The following KDM7A variants were observed in gnomAD, a reference collection of about 807,000 sequenced individuals.
KDM7A encodes lysine-specific demethylase 7A.
KDM7A carries 28 observed loss-of-function variants against 114.8 expected under a neutral mutation model. That is an observed-to-expected ratio of 0.24 (90% CI 0.18 to 0.33). KDM7A has a LOEUF of 0.33. KDM7A is among the 10% of genes least tolerant of loss of function. The pLI is 1.00. For missense variants in KDM7A, 942 were observed against 1,142.5 expected (o/e 0.82, Z 2.53); for synonymous variants, 423 against 397.8 (o/e 1.06, Z -0.75).
At chr7:140,166,452 G>A (rs1357564909) in intron 1 of KDM7A, among the ~76,000 whole-genome samples, 10 of 144,518 alleles carry the variant, frequency 6.9e-5, no homozygotes, top group Admixed American at 5.0e-4. Flanking sequence ...CAATCCTCCC[G>A]CCTCAGCCTT....
At chr7:140,163,184 C>T (rs961804896) in intron 1 of KDM7A, among the ~76,000 whole-genome samples, 7 of 151,890 alleles carry the variant, frequency 4.6e-5, no homozygotes, top group South Asian at 2.1e-4. Context: ...TTAGTAGAGA[C>T]GGGGTTTCAC....
At chr7:140,163,617 CTGTT>C (rs1020971561) in intron 1 of KDM7A, among the ~76,000 whole-genome samples, 6 of 151,960 alleles carry the variant, frequency 3.9e-5, no homozygotes, top group African/African-American at 1.5e-4. Flanking sequence ...TTCTATTTTT[CTGTT>C]TGTTTTTTTA....
At position 140,084,992 on chromosome 7, in the gene KDM7A, TAAAGTA is replaced by T. The variant is rs1272782208; in HGVS notation, c.*6096_*6101del. ...TAAGCTACTTAAAGACTTACAAATT[TAAAGTA>T]AAACAGAAACAAAATAAATACTGTA... On this transcript the variant is annotated 3_prime_UTR_variant, in exon 20 of 20. Transcript: ENST00000397560. The T allele has an allele frequency of 6.6e-6, 1 of 152,248 alleles. No homozygotes were observed. Among genetic ancestry groups the T allele is most frequent in the African/African-American group, 2.4e-5 (1 of 41,464 alleles). The allele number at this position is 152,248 out of a possible 1,614,324, so 9.4% of individuals were successfully genotyped here. A position where few individuals can be genotyped will look rare whatever the true frequency, so the allele number is the denominator to read the frequency against.
chr7:140,103,135 T>TAA (rs1171489112), intron 11 of KDM7A, among the ~76,000 whole-genome samples: 1 of 152,010 alleles, frequency 6.6e-6, no homozygotes, highest in Non-Finnish European at 1.5e-5. Flanking sequence ...CATTCTCCCT[T>TAA]CCCGCCAACC....
rs766220596 is a variant in KDM7A, at chr7:140,088,634, G to A, written c.*2460C>T. On this transcript the variant is annotated 3_prime_UTR_variant, in exon 20 of 20. Transcript: ENST00000397560. Reference sequence around the variant, plus strand: ...ACCAGGAGTCACTGGATCAGTGGCCGAATTTTCACCAATTCAGAAAAAGAC... The same window carrying A: ...ACCAGGAGTCACTGGATCAGTGGCCAAATTTTCACCAATTCAGAAAAAGAC... 4.0e-5 allele frequency: 16 copies of A among 396,200 alleles called. No homozygotes were observed. The highest frequency in any genetic ancestry group is 1.4e-4 in the East Asian group (4 of 27,992). The allele number at this position is 396,200 out of a possible 1,614,324, so 24.5% of individuals were successfully genotyped here.
At chr7:140,127,898 A>T (rs901846547) in intron 4 of KDM7A, among the ~76,000 whole-genome samples, 5 of 152,250 alleles carry the variant, frequency 3.3e-5, no homozygotes, top group African/African-American at 1.2e-4. Context: ...TGACAAAAAA[A>T]TACATTATAT....
chr7:140,136,586 G>T (rs1002028850), intron 2 of KDM7A, among the ~76,000 whole-genome samples: 1 of 152,176 alleles, frequency 6.6e-6, no homozygotes, highest in African/African-American at 2.4e-5. Flanking sequence ...CTCAAATAGA[G>T]TTCTTAATTC....
chr7:140,170,487 C>T (rs973674810), intron 1 of KDM7A, among the ~76,000 whole-genome samples: 19 of 152,322 alleles, frequency 1.2e-4, no homozygotes, highest in African/African-American at 4.1e-4. Context: ...GCATGAGCAC[C>T]GGAGTCAGCC....
At chr7:140,105,168 T>TCA (rs879747342) in intron 11 of KDM7A, among the ~76,000 whole-genome samples, 1 of 152,220 alleles carries the variant, frequency 6.6e-6, no homozygotes, top group Non-Finnish European at 1.5e-5. Flanking sequence ...AAGTTGCTTG[T>TCA]CAGCTTAAGG....
At chr7:140,160,221 A>G (rs977510965) in intron 1 of KDM7A, among the ~76,000 whole-genome samples, 2 of 152,234 alleles carry the variant, frequency 1.3e-5, no homozygotes, top group African/African-American at 2.4e-5. Context: ...TGTTACACTG[A>G]TATGGCAGAA....
intron 16 of KDM7A, 44 bp from the exon 17 acceptor site, chr7:140,096,807 G>C (rs1818121576): frequency 6.3e-7 from 1 of 1,593,488 alleles, no homozygotes. Flanking sequence ...TATTTTTTCT[G>C]ATGACATTTT....
chr7:140,108,874 G>A (rs1585143535), intron 11 of KDM7A, among the ~76,000 whole-genome samples: 2 of 152,338 alleles, frequency 1.3e-5, no homozygotes, highest in East Asian at 3.9e-4. Flanking sequence ...CAGAGGTGGA[G>A]TCTACAGAGG....
intron 9 of KDM7A, among the ~76,000 whole-genome samples, chr7:140,117,545 G>A (rs1818552071): frequency 2.0e-5 from 3 of 152,178 alleles, no homozygotes; most frequent in African/African-American, 7.2e-5. Context: ...TTGGGACAGA[G>A]AGAAAAGAGG....
chr7:140,102,281 A>C, intron 11 of KDM7A, 121 bp from the exon 12 acceptor site: 2 of 700,944 alleles, frequency 2.9e-6, no homozygotes, highest in Non-Finnish European at 4.8e-6. Flanking sequence ...ATATAAACAC[A>C]AAAAAGACTA....
intron 1 of KDM7A, among the ~76,000 whole-genome samples, chr7:140,144,710 T>TACACACACACACACAC (rs3030431): frequency 8.2e-5 from 12 of 146,322 alleles, no homozygotes; most frequent in African/African-American, 2.8e-4. Flanking sequence ...GTCCCCACCA[T>TACACACACACACACAC]ACACACACAC....
Position 140,088,323 on chromosome 7 carries a change from T to G in KDM7A, c.*2771A>C, listed in dbSNP as rs1817967279. The G allele has an allele frequency of 7.7e-6, 3 of 391,292 alleles. No individual in the cohort carries two copies. Among genetic ancestry groups the G allele is most frequent in the Admixed American group, 4.4e-5 (1 of 22,544 alleles). The allele number at this position is 391,292 out of a possible 1,614,324, so 24.2% of individuals were successfully genotyped here. A position where few individuals can be genotyped will look rare whatever the true frequency, so the allele number is the denominator to read the frequency against. The stretch of plus-strand genomic sequence containing the variant: ...ACATTGTAAATTATAATCCAATGGA[T>G]CCCAGCTGAACAGTCACTTATTTGA... On this transcript the variant is annotated 3_prime_UTR_variant, in exon 20 of 20. Transcript: ENST00000397560.
chr7:140,086,077 G>A lies in KDM7A; in HGVS notation c.*5017C>T, dbSNP rs1227604486. On this transcript the variant is annotated 3_prime_UTR_variant, in exon 20 of 20. Transcript: ENST00000397560. The stretch of plus-strand genomic sequence containing the variant: ...CCAAAATGAAACTGGTTGGAGACAA[G>A]TTTTACCTTTATAATTAAGCTCCAT... 1 of 152,184 alleles carries A rather than the reference G, an allele frequency of 6.6e-6. No individual in the cohort carries two copies. The highest frequency in any genetic ancestry group is 1.5e-5 in the Non-Finnish European group (1 of 68,028). The allele number at this position is 152,184 out of a possible 1,614,324, so 9.4% of individuals were successfully genotyped here.
rs1212460108 is a variant in KDM7A, at chr7:140,099,177, T to C, written c.1764-144A>G. 4.2e-5 allele frequency: 29 copies of C among 697,866 alleles called. No individual in the cohort carries two copies. In the South Asian group the frequency reaches 5.9e-4, roughly 14 times the overall value. 43.2% of individuals were successfully genotyped at this position (697,866 alleles called of 1,614,324 possible). ...CATTCAACTGTGCAATAGTATGCGC[T>C]AGGGATCTGAGGTTCGTTTTTTGTT... On this transcript the variant is annotated intron_variant, in intron 13 of 19. Transcript: ENST00000397560.
At chr7:140,120,974 C>A (rs978266956) in intron 7 of KDM7A, among the ~76,000 whole-genome samples, 7 of 152,070 alleles carry the variant, frequency 4.6e-5, no homozygotes, top group African/African-American at 1.7e-4. Flanking sequence ...TTGAGACCAG[C>A]CAAATCTGGT....
Sources: allele counts gnomAD v4.1 joint callset (sites outside exome capture counted in the v4.1 genomes callset), GRCh38; gene constraint gnomAD v4.1.1; transcripts MANE v1.5; gene names NCBI Gene and HGNC (gene_info 2026-07-23, HGNC 2026-07-21).